Variants in KIRREL3 observed in about 807,000 individuals in gnomAD.
KIRREL3 encodes the protein kirre like nephrin family adhesion molecule 3.
Under a neutral mutation model 89.7 loss-of-function variants are expected in KIRREL3, and 36 were observed. That is an observed-to-expected ratio of 0.40 (90% CI 0.31 to 0.53). The LOEUF is 0.53. Among genes scored for constraint, KIRREL3 ranks in the 20% least tolerant of loss-of-function variants. The pLI is 0.49. For synonymous variants in KIRREL3, 445 were observed against 441.4 expected (o/e 1.01, Z -0.10); for missense variants, 864 against 1,056.6 (o/e 0.82, Z 2.53).
chr11:126,982,697 A>G (rs1430939723), intron 1 of KIRREL3, among the ~76,000 whole-genome samples: 1 of 152,210 alleles, frequency 6.6e-6, no homozygotes. Context: ...CTAGAAACAC[A>G]ATGCTGTAAG....
chr11:126,657,078 A>C (rs602855), intron 1 of KIRREL3, among the ~76,000 whole-genome samples: 119,285 of 151,822 alleles, frequency 0.79, 47,147 homozygotes, highest in East Asian at 0.98. Context: ...ACAAAAAAAA[A>C]CAGAAAAAAT....
Position 126,785,250 on chromosome 11 carries a change from T to TG in KIRREL3, c.55+215204dup, listed in dbSNP as rs530931726. ...CGTGGCGTGGTGACAGCAAGCCAGG[T>TG]GTCTCCTTATGGAAATATCTTAATA... On this transcript the variant is annotated intron_variant, in intron 1 of 16. Transcript: ENST00000525144. Among the ~76,000 whole-genome samples, 82 of 152,302 alleles carry TG rather than the reference T, an allele frequency of 5.4e-4. 1 individual carries two copies. The East Asian group carries it at 0.014, about 27-fold the overall frequency.
At chr11:126,759,912 C>T (rs1296396001) in intron 1 of KIRREL3, among the ~76,000 whole-genome samples, 2 of 152,136 alleles carry the variant, frequency 1.3e-5, no homozygotes, top group Non-Finnish European at 2.9e-5. Context: ...GGAAATAAAA[C>T]TAGTTTAACA....
rs1421727578 is a variant in KIRREL3, at chr11:126,924,028, CCTATGACCAGTCACTAA to C, written c.55+76410_55+76426del. Among the ~76,000 whole-genome samples the C allele has an allele frequency of 1.3e-5, 2 of 152,190 alleles. No individual in the cohort carries two copies. The highest frequency in any genetic ancestry group is 4.8e-5 in the African/African-American group (2 of 41,456). On this transcript the variant is annotated intron_variant, in intron 1 of 16. Transcript: ENST00000525144. The surrounding 1 kb of genome is among the most constrained non-coding windows in gnomAD (Gnocchi z 4.7). The stretch of plus-strand genomic sequence containing the variant: ...CAAGGCTTCCCCATTTCCCTTAGCC[CCTATGACCAGTCACTAA>C]CTTTTAAAAATCTTACTTCTAAATA...
At chr11:126,524,477 G>A (rs1350766775) in intron 3 of KIRREL3, among the ~76,000 whole-genome samples, 1 of 152,182 alleles carries the variant, frequency 6.6e-6, no homozygotes, top group Non-Finnish European at 1.5e-5. Context: ...TTGTTTACCT[G>A]TCAAACAAAG....
chr11:126,788,234 C>T lies in KIRREL3; in HGVS notation c.55+212221G>A, dbSNP rs555602514. Among the ~76,000 whole-genome samples the T allele has an allele frequency of 1.8e-4, 28 of 152,342 alleles. No individual in the cohort carries two copies. Among genetic ancestry groups the T allele is most frequent in the African/African-American group, 5.5e-4 (23 of 41,590 alleles). On this transcript the variant is annotated intron_variant, in intron 1 of 16. Transcript: ENST00000525144. The surrounding 1 kb of genome is among the most constrained non-coding windows in gnomAD (Gnocchi z 4.1). ...GTTTCTAACCATCTCTTTTTCATTC[C>T]TATGGACGTTGCCTCCCAGGGCTGC...
At position 126,576,776 on chromosome 11, in the gene KIRREL3, T is replaced by C. The variant is rs895098913; in HGVS notation, c.56-13864A>G. On this transcript the variant is annotated intron_variant, in intron 1 of 16. Transcript: ENST00000525144. The surrounding 1 kb of genome is among the most constrained non-coding windows in gnomAD (Gnocchi z 5.4). Reference sequence around the variant, plus strand: ...TTGATGCACACTGAGAGGGTCCTTTTTAATCAGCTGAGGAGCAAGGGATTC... The same window carrying C: ...TTGATGCACACTGAGAGGGTCCTTTCTAATCAGCTGAGGAGCAAGGGATTC... Among the ~76,000 whole-genome samples the C allele has an allele frequency of 6.6e-6, 1 of 152,202 alleles. No homozygotes were observed. The highest frequency in any genetic ancestry group is 1.5e-5 in the Non-Finnish European group (1 of 68,042).
At position 126,492,758 on chromosome 11, in the gene KIRREL3, C is replaced by G. The variant is rs1198405397; in HGVS notation, c.434-19292G>C. 2.6e-5 allele frequency among the ~76,000 whole-genome samples: 4 copies of G among 152,120 alleles called. No individual in the cohort carries two copies. Among genetic ancestry groups the G allele is most frequent in the Admixed American group, 6.6e-5 (1 of 15,262 alleles). On this transcript the variant is annotated intron_variant, in intron 4 of 16. Transcript: ENST00000525144. This position sits in a 1 kb window ranked among gnomAD's most constrained non-coding sequence, Gnocchi z 4.8. Reference sequence around the variant, plus strand: ...ATGCTGAGGGGGCTCTGAGCTGGACCGTGCAGGGAGGACTGGCTTCTTACC... The same window carrying G: ...ATGCTGAGGGGGCTCTGAGCTGGACGGTGCAGGGAGGACTGGCTTCTTACC...
At position 126,485,149 on chromosome 11, in the gene KIRREL3, C is replaced by T. The variant is rs1398974999; in HGVS notation, c.434-11683G>A. 3.3e-5 allele frequency among the ~76,000 whole-genome samples: 5 copies of T among 151,960 alleles called. No individual in the cohort carries two copies. The highest frequency in any genetic ancestry group is 1.3e-4 in the Admixed American group (2 of 15,260). On this transcript the variant is annotated intron_variant, in intron 4 of 16. Coordinates refer to ENST00000525144, the MANE Select transcript of KIRREL3 (RefSeq NM_032531.4). This position sits in a 1 kb window ranked among gnomAD's most constrained non-coding sequence, Gnocchi z 5.8. ...TGGGATTGTTAAAGGATGTGGCATCCGATATATTTGGCAGCACAATCGCAC... is the reference window on the plus strand; with the variant it reads ...TGGGATTGTTAAAGGATGTGGCATCTGATATATTTGGCAGCACAATCGCAC...
intron 1 of KIRREL3, among the ~76,000 whole-genome samples, chr11:126,790,209 TC>T (rs781284400): frequency 8.5e-5 from 13 of 152,224 alleles, no homozygotes; most frequent in Non-Finnish European, 1.6e-4. Flanking sequence ...CTTTCCGCAA[TC>T]TGAGGTCACC....
chr11:126,661,525 C>T (rs934344871), intron 1 of KIRREL3, among the ~76,000 whole-genome samples: 2 of 152,184 alleles, frequency 1.3e-5, no homozygotes, highest in Admixed American at 6.5e-5. Context: ...CTATGTGTTG[C>T]TAATAGCTAG....
chr11:126,695,406 CAAA>C lies in KIRREL3; in HGVS notation c.56-132497_56-132495del, dbSNP rs36034228. On this transcript the variant is annotated intron_variant, in intron 1 of 16. Coordinates refer to ENST00000525144, the MANE Select transcript of KIRREL3 (RefSeq NM_032531.4). Reference sequence around the variant, plus strand: ...CCAAAGCCATTGGGATTAGCTTTACCAAAAAAAAAAAAAAAAAAAAAAAAAGAG... The same window carrying C: ...CCAAAGCCATTGGGATTAGCTTTACCAAAAAAAAAAAAAAAAAAAAAAGAG... 9.3e-5 allele frequency among the ~76,000 whole-genome samples: 6 copies of C among 64,346 alleles called. No individual in the cohort carries two copies. The South Asian group carries it at 3.0e-3, about 32-fold the overall frequency. The allele number at this position is 64,346 out of a possible 152,430, so 42.2% of individuals were successfully genotyped here. A position where few individuals can be genotyped will look rare whatever the true frequency, so the allele number is the denominator to read the frequency against.
intron 1 of KIRREL3, among the ~76,000 whole-genome samples, chr11:126,964,555 C>A (rs1949205494): frequency 6.6e-6 from 1 of 152,136 alleles, no homozygotes; most frequent in Non-Finnish European, 1.5e-5. Flanking sequence ...CTACAATAAT[C>A]TCTCCTCAGC....
At chr11:126,543,616 C>T (rs538830184) in intron 2 of KIRREL3, among the ~76,000 whole-genome samples, 2 of 152,214 alleles carry the variant, frequency 1.3e-5, no homozygotes, top group African/African-American at 4.8e-5. Flanking sequence ...CCCTACCTGC[C>T]CCCAGCTGAG....
chr11:126,674,295 G>A (rs1291982702), intron 1 of KIRREL3, among the ~76,000 whole-genome samples: 1 of 152,208 alleles, frequency 6.6e-6, no homozygotes, highest in Non-Finnish European at 1.5e-5. Context: ...AGGCATACTA[G>A]GTGATCTCCA....
intron 1 of KIRREL3, among the ~76,000 whole-genome samples, chr11:126,701,177 C>G (rs982800135): frequency 6.6e-6 from 1 of 152,198 alleles, no homozygotes; most frequent in African/African-American, 2.4e-5. Context: ...GTAACAGTCT[C>G]TTTGACAATA....
At chr11:126,559,903 G>A (rs1449060447) in intron 2 of KIRREL3, among the ~76,000 whole-genome samples, 1 of 151,964 alleles carries the variant, frequency 6.6e-6, no homozygotes, top group Non-Finnish European at 1.5e-5. Context: ...GGCTGGTCTT[G>A]AACTCCTGAC....
intron 2 of KIRREL3, among the ~76,000 whole-genome samples, chr11:126,556,654 G>C (rs952915103): frequency 1.3e-4 from 20 of 152,070 alleles, no homozygotes; most frequent in African/African-American, 4.3e-4. Flanking sequence ...AAAGGAACTT[G>C]GCAGGGTCTG....
At chr11:126,452,827 C>T (rs1318177332) in intron 7 of KIRREL3, among the ~76,000 whole-genome samples, 1 of 152,154 alleles carries the variant, frequency 6.6e-6, no homozygotes, top group Non-Finnish European at 1.5e-5. Flanking sequence ...CCCGACAGAG[C>T]CCGCAGCTCA....
Sources: gnomAD v4.1 joint callset for allele counts (sites outside exome capture counted in the v4.1 genomes callset) on GRCh38, gnomAD v4.1.1 for gene constraint, Gnocchi (gnomAD v3.1) non-coding constraint, MANE v1.5 for transcripts, NCBI Gene and HGNC (gene_info 2026-07-23, HGNC 2026-07-21) for gene names.